ZNF627: variants seen among roughly 807,000 people sequenced by gnomAD.
The protein encoded by ZNF627 is zinc finger protein 627.
A neutral mutation model predicts 10.6 loss-of-function variants in ZNF627; 12 were observed. That is an observed-to-expected ratio of 1.13 (90% confidence interval 0.73 to 1.84). ZNF627 has a LOEUF of 1.84. ZNF627 is among the 40% of genes most tolerant of loss of function. The probability of loss-of-function intolerance (pLI) is 0.00; values close to 1 mark genes in which losing one functional copy is unlikely to be tolerated. For synonymous variants in ZNF627, 176 were observed against 187.1 expected, an observed-to-expected ratio of 0.94 and a Z score of 0.48; for missense variants, 504 against 568.4, an observed-to-expected ratio of 0.89 and a Z score of 1.15.
Position 11,602,507 on chromosome 19 carries a change from G to A in ZNF627, c.3+4877G>A, listed in dbSNP as rs56665954. 9.7e-3 allele frequency among the ~76,000 whole-genome samples: 1,481 copies of A among 152,134 alleles called. 25 individuals are homozygous for A. Among genetic ancestry groups the A allele is most frequent in the African/African-American group, 0.033 (1,383 of 41,486 alleles). On this transcript the variant is annotated intron_variant, in intron 1 of 3. Transcript: ENST00000361113. ...TTACATACCTGCCCAATCTTCTGCCGCCATTTTCCCTTACATCCATCCCTT... is the reference window on the plus strand; with the variant it reads ...TTACATACCTGCCCAATCTTCTGCCACCATTTTCCCTTACATCCATCCCTT...
At position 11,614,908 on chromosome 19, in the gene ZNF627, A is replaced by C. The variant is rs1002454818; in HGVS notation, c.191+21A>C. Reference sequence around the variant, plus strand: ...ATAAGGTAATTTGCACTCACAAAAGAAAGTTCTGTTCCTTGAGAGCATTTC... The same window carrying C: ...ATAAGGTAATTTGCACTCACAAAAGCAAGTTCTGTTCCTTGAGAGCATTTC... On this transcript the variant is annotated intron_variant, in intron 3 of 3. Coordinates refer to ENST00000361113, the MANE Select transcript of ZNF627 (RefSeq NM_145295.4). 1.3e-5 allele frequency: 21 copies of C among 1,575,692 alleles called. No individual in the cohort carries two copies. The African/African-American group carries it at 1.9e-4, about 14-fold the overall frequency.
At position 11,597,505 on chromosome 19, in the gene ZNF627, C is replaced by T. The variant is rs1005732452; in HGVS notation, c.-123C>T. On this transcript the variant is annotated 5_prime_UTR_variant, in exon 1 of 4. Transcript: ENST00000361113. ...TTTGTTTCTGGCGACCGTCCCCACC[C>T]GGGCTCGCGTCTCCGTTTCTCCGAG... 9.3e-7 allele frequency: 1 copy of T among 1,074,658 alleles called. No homozygotes were observed. Among genetic ancestry groups the T allele is most frequent in the Non-Finnish European group, 1.2e-6 (1 of 826,694 alleles). The allele number at this position is 1,074,658 out of a possible 1,614,324, so 66.6% of individuals were successfully genotyped here. A position where few individuals can be genotyped will look rare whatever the true frequency, so the allele number is the denominator to read the frequency against.
chr19:11,600,722 G>A (rs1973570675), intron 1 of ZNF627, among the ~76,000 whole-genome samples: 1 of 152,164 alleles, frequency 6.6e-6, no homozygotes, highest in Non-Finnish European at 1.5e-5. Flanking sequence ...TGTGACAGTG[G>A]ATAACTGTTC....
Position 11,597,611 on chromosome 19 carries a change from C to T in ZNF627, c.-17C>T. 2 of 1,329,572 alleles carry T rather than the reference C, an allele frequency of 1.5e-6. No homozygotes were observed. Among genetic ancestry groups the T allele is most frequent in the Non-Finnish European group, 1.9e-6 (2 of 1,032,314 alleles). 82.4% of individuals were successfully genotyped at this position (1,329,572 alleles called of 1,614,324 possible). A position where few individuals can be genotyped will look rare whatever the true frequency, so the allele number is the denominator to read the frequency against. Reference sequence around the variant, plus strand: ...GGGAGTCGTAGGGAGGACGCCGGGACACCTGGAAGCCGAGAAATGGTGCGT... The same window carrying T: ...GGGAGTCGTAGGGAGGACGCCGGGATACCTGGAAGCCGAGAAATGGTGCGT... On this transcript the variant is annotated 5_prime_UTR_variant, in exon 1 of 4. Coordinates refer to ENST00000361113, the MANE Select transcript of ZNF627 (RefSeq NM_145295.4).
At chr19:11,616,431 A>G (rs967247534) in intron 3 of ZNF627, among the ~76,000 whole-genome samples, 3 of 152,082 alleles carry the variant, frequency 2.0e-5, no homozygotes, top group African/African-American at 7.2e-5. Context: ...TGAGACAGGC[A>G]TAAAACGTAC....
At chr19:11,600,223 G>A (rs1212368645) in intron 1 of ZNF627, among the ~76,000 whole-genome samples, 7 of 151,904 alleles carry the variant, frequency 4.6e-5, no homozygotes, top group Admixed American at 4.6e-4. Context: ...GGCAGATCAC[G>A]AGGTCAGGAG....
chr19:11,615,416 C>T (rs1016041769), intron 3 of ZNF627, among the ~76,000 whole-genome samples: 4 of 149,158 alleles, frequency 2.7e-5, no homozygotes, highest in South Asian at 2.2e-4. Context: ...CTGGCTAACA[C>T]GGTGAAACTC....
intron 1 of ZNF627, among the ~76,000 whole-genome samples, chr19:11,603,974 A>ATT (rs113212956): frequency 4.1e-4 from 58 of 141,832 alleles, no homozygotes; most frequent in African/African-American, 1.4e-3. Context: ...CATCTGGCTA[A>ATT]TTTTTTTTTT....
chr19:11,617,865 T>G lies in ZNF627; in HGVS notation c.1362T>G (p.Ala454=), dbSNP rs1443822529. 6.4e-7 allele frequency: 1 copy of G among 1,552,164 alleles called. No individual in the cohort carries two copies. Among genetic ancestry groups the G allele is most frequent in the Non-Finnish European group, 8.6e-7 (1 of 1,157,268 alleles). Residue 454 remains alanine (A), a synonymous_variant, in exon 4 of 4, where the codon GCT becomes GCG. Transcript: ENST00000361113. ...EKPYENPNPN[A]SVVPVLS ...CCTATGAGAACCCTAACCCTAACGC[T>G]TCAGTTGTCCCAGTTCTTTCATGAG...
At chr19:11,614,279 G>T (rs1289183715) in intron 1 of ZNF627, among the ~76,000 whole-genome samples, 1 of 152,158 alleles carries the variant, frequency 6.6e-6, no homozygotes, top group African/African-American at 2.4e-5. Flanking sequence ...ATTAGGGGTG[G>T]CCCAGGCAGT....
rs1973874814 is a variant in ZNF627 at position 11,616,767 on chromosome 19, T to C, written c.264T>C (p.Asp88=). The C allele has an allele frequency of 1.2e-6, 2 of 1,613,754 alleles. No homozygotes were observed. The highest frequency in any genetic ancestry group is 1.7e-6 in the Non-Finnish European group (2 of 1,179,814). ...AAGAAACCTTCAGCCAGATTCCAGA[T>C]GGTATTCTGAACAAGAAAACTCCTG... The part of the protein sequence containing the change: ...QGEETFSQIP[D]GILNKKTPGV... The change falls in exon 4 of 4, where the codon GAT becomes GAC. Residue 88 remains aspartate (D), a synonymous_variant. Coordinates refer to ENST00000361113, the MANE Select transcript of ZNF627 (RefSeq NM_145295.4).
At chr19:11,614,950 T>C in intron 3 of ZNF627, 63 bp downstream of exon 3, 3 of 1,059,784 alleles carry the variant, frequency 2.8e-6, no homozygotes, top group Non-Finnish European at 3.9e-6. Flanking sequence ...TTAGGAATTT[T>C]TTTTTTTTTT....
rs768978865 is a variant in ZNF627 at position 11,614,875 on chromosome 19, G to A, written c.179G>A (p.Arg60Lys). ...ATTGAAGACCCATTCAAAATTCCCA[G>A]GAGAAATATAAGGTAATTTGCACTC... is the stretch of plus-strand genomic sequence containing the variant. ...QNIEDPFKIP[R>K]RNISHIPERL... Residue 60 changes from arginine to lysine, a missense_variant, in exon 3 of 4, where the codon AGG becomes AAG. Physicochemically the swap from Arg to Lys is conservative, Grantham distance 26. Transcript: ENST00000361113. The A allele has an allele frequency of 6.2e-7, 1 of 1,606,416 alleles. No homozygotes were observed. Among genetic ancestry groups the A allele is most frequent in the Non-Finnish European group, 8.5e-7 (1 of 1,177,606 alleles).
chr19:11,614,772 C>G, intron 2 of ZNF627, 55 bp from the exon 3 acceptor site: 1 of 1,589,608 alleles, frequency 6.3e-7, no homozygotes, highest in Non-Finnish European at 8.6e-7. Flanking sequence ...GAATCTAATA[C>G]TTTTTTCATA....
intron 1 of ZNF627, among the ~76,000 whole-genome samples, chr19:11,606,099 T>TA (rs1973669200): frequency 6.6e-6 from 1 of 152,016 alleles, no homozygotes; most frequent in Non-Finnish European, 1.5e-5. Context: ...CCCAGCACTT[T>TA]GGGAGGCCGA....
intron 1 of ZNF627, among the ~76,000 whole-genome samples, chr19:11,598,901 G>T (rs1432539428): frequency 6.6e-6 from 1 of 152,034 alleles, no homozygotes; most frequent in African/African-American, 2.4e-5. Context: ...CTTTTGGTTG[G>T]CCTGGTGCCA....
intron 1 of ZNF627, among the ~76,000 whole-genome samples, chr19:11,600,973 T>C (rs1037983926): frequency 1.3e-5 from 2 of 152,200 alleles, no homozygotes; most frequent in African/African-American, 4.8e-5. Flanking sequence ...TTTACTGGAA[T>C]CTTCAAACCC....
At position 11,615,970 on chromosome 19, in the gene ZNF627, C is replaced by G. The variant is rs557702344; in HGVS notation, c.192-725C>G. Among the ~76,000 whole-genome samples, 8 of 150,100 alleles carry G rather than the reference C, an allele frequency of 5.3e-5. No individual in the cohort carries two copies. In the East Asian group the frequency reaches 1.6e-3, roughly 30 times the overall value. On this transcript the variant is annotated intron_variant, in intron 3 of 3. Coordinates refer to ENST00000361113, the MANE Select transcript of ZNF627 (RefSeq NM_145295.4). ...CTGACCTCAGGTGATCCACCTGCCTCAGCCTCCGAAAGTGCTGGGATTACA... is the reference window on the plus strand; with the variant it reads ...CTGACCTCAGGTGATCCACCTGCCTGAGCCTCCGAAAGTGCTGGGATTACA...
intron 1 of ZNF627, among the ~76,000 whole-genome samples, chr19:11,598,629 C>G (rs1461480697): frequency 1.3e-5 from 2 of 152,192 alleles, no homozygotes; most frequent in African/African-American, 4.8e-5. Context: ...CTTGATACCA[C>G]TTCTTTCACC....
Sources: allele counts gnomAD v4.1 joint callset (sites outside exome capture counted in the v4.1 genomes callset), GRCh38; gene constraint gnomAD v4.1.1; transcripts MANE v1.5; gene names NCBI Gene and HGNC (gene_info 2026-07-23, HGNC 2026-07-21).